Variants in POLR2E observed in about 807,000 individuals in gnomAD.
POLR2E encodes DNA-directed RNA polymerases I, II, and III subunit RPABC1.
Under a neutral mutation model 29.8 loss-of-function variants are expected in POLR2E, and 35 were observed. The ratio of observed to expected loss-of-function variants is 1.17; its 90% CI spans 0.90 to 1.55. The LOEUF (loss-of-function observed/expected upper bound fraction) is 1.55. POLR2E is among the 40% of genes most tolerant of loss of function. The probability of loss-of-function intolerance (pLI) is 0.00; values close to 1 mark genes in which losing one functional copy is unlikely to be tolerated. For synonymous variants in POLR2E, 174 were observed against 112.6 expected, an observed-to-expected ratio of 1.55 and a Z score of -3.45; for missense variants, 287 against 288.6, an observed-to-expected ratio of 0.99 and a Z score of 0.04.
At chr19:1,090,843 G>T in intron 4 of POLR2E, 65 bp downstream of exon 4, 1 of 1,391,982 alleles carries the variant, frequency 7.2e-7, no homozygotes, top group Non-Finnish European at 1.0e-6. Context: ...ACATCTTCCT[G>T]GCCACCCACA....
chr19:1,090,848 C>T (rs1023607309), intron 4 of POLR2E, 60 bp downstream of exon 4: 2 of 1,446,336 alleles, frequency 1.4e-6, no homozygotes, highest in Non-Finnish European at 1.9e-6. Flanking sequence ...TTCCTGGCCA[C>T]CCACAAACGC....
At chr19:1,092,138 C>T (rs1246854234) in intron 2 of POLR2E, among the ~76,000 whole-genome samples, 1 of 152,204 alleles carries the variant, frequency 6.6e-6, no homozygotes, top group African/African-American at 2.4e-5. Flanking sequence ...GCTGACACCC[C>T]TCAGTCACCC....
rs199888938 is a variant in POLR2E at position 1,091,959 on chromosome 19, C to T, written c.233-52G>A. On this transcript the variant is annotated intron_variant, in intron 2 of 7. Coordinates refer to ENST00000615234, the MANE Select transcript of POLR2E (RefSeq NM_002695.5). ...CACGAGCCTGGGCCCTCGTGGCCCTCGCCCACCCAGAGCCCAGAGCACCCA... is the reference window on the plus strand; with the variant it reads ...CACGAGCCTGGGCCCTCGTGGCCCTTGCCCACCCAGAGCCCAGAGCACCCA... The T allele has an allele frequency of 3.1e-5, 41 of 1,306,810 alleles. No homozygotes were observed. In the Admixed American group the frequency reaches 4.0e-4, roughly 13 times the overall value. The allele number at this position is 1,306,810 out of a possible 1,614,324, so 81.0% of individuals were successfully genotyped here.
At chr19:1,093,723 TGA>T in intron 2 of POLR2E, 179 bp downstream of exon 2, 2 of 1,384,738 alleles carry the variant, frequency 1.4e-6, no homozygotes, top group South Asian at 3.3e-5. Context: ...AAGCTGAGCA[TGA>T]GAGGGGTCAG....
chr19:1,086,771 C>A lies in POLR2E; in HGVS notation c.*1964G>T, dbSNP rs1349620244. 6.7e-6 allele frequency: 1 copy of A among 148,286 alleles called. No individual in the cohort carries two copies. Among genetic ancestry groups the A allele is most frequent in the Non-Finnish European group, 1.5e-5 (1 of 67,966 alleles). 9.2% of individuals were successfully genotyped at this position (148,286 alleles called of 1,614,324 possible). ...GGGAGGGATGTGTGAGGAAGGGAAC[C>A]CCCCGCCACGGGGCCCCGCGAGGTG... On this transcript the variant is annotated 3_prime_UTR_variant, in exon 8 of 8. Coordinates refer to ENST00000615234, the MANE Select transcript of POLR2E (RefSeq NM_002695.5).
Position 1,090,894 on chromosome 19 carries a change from C to T in POLR2E, c.429+14G>A, listed in dbSNP as rs375163183. ...CCGGCCCCACGCAGGCGGGATTCCG[C>T]GGCGCGCGCCCACCTCGTGCTCCGT... On this transcript the variant is annotated intron_variant, in intron 4 of 7. Coordinates refer to ENST00000615234, the MANE Select transcript of POLR2E (RefSeq NM_002695.5). The T allele has an allele frequency of 2.9e-5, 46 of 1,609,742 alleles. No homozygotes were observed. Among genetic ancestry groups the T allele is most frequent in the Admixed American group, 8.3e-5 (5 of 59,912 alleles).
intron 2 of POLR2E, chr19:1,092,189 T>C (rs749451790): frequency 7.6e-6 from 3 of 394,132 alleles, no homozygotes; most frequent in African/African-American, 4.1e-5. Context: ...TCTGAGAGGC[T>C]CCCACCCTGG....
chr19:1,093,515 C>T (rs1474099940), intron 2 of POLR2E, among the ~76,000 whole-genome samples: 1 of 152,114 alleles, frequency 6.6e-6, no homozygotes, highest in Non-Finnish European at 1.5e-5. Flanking sequence ...GGGGCCGCAG[C>T]TCACAAGGAG....
chr19:1,089,461 G>T lies in POLR2E; in HGVS notation c.*14+11C>A. Reference sequence around the variant, plus strand: ...GACCCCACCTCAGTGCCTGTCCCTCGGCCGTCTCACCTGTCAGGCGGTAGC... The same window carrying T: ...GACCCCACCTCAGTGCCTGTCCCTCTGCCGTCTCACCTGTCAGGCGGTAGC... On this transcript the variant is annotated intron_variant, in intron 7 of 7. Transcript: ENST00000615234. 6.3e-7 allele frequency: 1 copy of T among 1,596,104 alleles called. No homozygotes were observed. Among genetic ancestry groups the T allele is most frequent in the South Asian group, 1.1e-5 (1 of 90,604 alleles).
At chr19:1,091,652 C>T (rs956078825) in intron 3 of POLR2E, 140 bp downstream of exon 3, 13 of 637,114 alleles carry the variant, frequency 2.0e-5, no homozygotes, top group African/African-American at 3.6e-5. Context: ...CGGGGCTTGC[C>T]GGACATCCCG....
intron 5 of POLR2E, 39 bp from the exon 6 acceptor site, chr19:1,090,001 T>C (rs773014352): frequency 7.9e-7 from 1 of 1,261,326 alleles, no homozygotes; most frequent in East Asian, 2.9e-5. Context: ...ACAGGGCCGT[T>C]GGGGGGGCAG....
intron 5 of POLR2E, 55 bp downstream of exon 5, chr19:1,090,032 C>T: frequency 6.6e-7 from 1 of 1,509,616 alleles, no homozygotes; most frequent in South Asian, 1.1e-5. Context: ...GGGGGGGGAA[C>T]GCGGAAGTCT....
intron 2 of POLR2E, among the ~76,000 whole-genome samples, chr19:1,093,555 G>A (rs1242666202): frequency 6.6e-5 from 10 of 152,080 alleles, no homozygotes; most frequent in African/African-American, 1.9e-4. Context: ...GGCCTCCTGG[G>A]CCAGGCCAAG....
chr19:1,094,852 C>T (rs909212381), intron 1 of POLR2E: 3 of 208,476 alleles, frequency 1.4e-5, no homozygotes, highest in Non-Finnish European at 2.9e-5. Flanking sequence ...CGCTGCTTCC[C>T]AACCACCAAC....
rs1471088859 is a variant in POLR2E, at chr19:1,087,037, C to G, written c.*1698G>C. On this transcript the variant is annotated 3_prime_UTR_variant, in exon 8 of 8. Coordinates refer to ENST00000615234, the MANE Select transcript of POLR2E (RefSeq NM_002695.5). ...ACAGGGTGTGACCCTGTGGCCCAGG[C>G]TGGAGTACAGGAGCACAATCGTAGC... 1 of 151,130 alleles carries G rather than the reference C, an allele frequency of 6.6e-6. No homozygotes were observed. Among genetic ancestry groups the G allele is most frequent in the Non-Finnish European group, 1.5e-5 (1 of 67,912 alleles). The allele number at this position is 151,130 out of a possible 1,614,324, so 9.4% of individuals were successfully genotyped here.
chr19:1,088,980 C>G (rs1032961150), intron 7 of POLR2E, among the ~76,000 whole-genome samples: 1 of 152,202 alleles, frequency 6.6e-6, no homozygotes, highest in Admixed American at 6.5e-5. Flanking sequence ...GCCTGCAGGA[C>G]AGCAGCTCGC....
In POLR2E at chr19:1,095,299, T is replaced by G; in HGVS notation, c.17A>C (p.Glu6Ala). The change falls in exon 1 of 8, where the codon GAG (glutamate) becomes GCG (alanine). Residue 6 changes from glutamate (E) to alanine (A), a missense_variant. By Grantham distance (107) the Glu-to-Ala change is moderately radical. Coordinates refer to ENST00000615234, the MANE Select transcript of POLR2E (RefSeq NM_002695.5). MDDEE[E>A]TYRLWKIRKT... is the part of the protein sequence containing the mutation. ...GCGGATTTTCCAGAGCCGGTACGTC[T>G]CCTCCTCGTCGTCCATGGCAGCCTC... 1 of 1,613,086 alleles carries G rather than the reference T, an allele frequency of 6.2e-7. No homozygotes were observed. The highest frequency in any genetic ancestry group is 8.5e-7 in the Non-Finnish European group (1 of 1,179,752).
chr19:1,087,241 C>G lies in POLR2E; in HGVS notation c.*1494G>C, dbSNP rs1203221620. On this transcript the variant is annotated 3_prime_UTR_variant, in exon 8 of 8. Coordinates refer to ENST00000615234, the MANE Select transcript of POLR2E (RefSeq NM_002695.5). ...ACTCCTGAGCTCAAGCGATCCTCCA[C>G]TTCCTGGGTTCAAGTGATTCTCCTG... 1 of 152,194 alleles carries G rather than the reference C, an allele frequency of 6.6e-6. No individual in the cohort carries two copies. The highest frequency in any genetic ancestry group is 1.5e-5 in the Non-Finnish European group (1 of 68,054). 9.4% of individuals were successfully genotyped at this position (152,194 alleles called of 1,614,324 possible).
chr19:1,090,274 T>G, intron 4 of POLR2E, 129 bp from the exon 5 acceptor site: 2 of 786,586 alleles, frequency 2.5e-6, no homozygotes, highest in Non-Finnish European at 4.3e-6. Flanking sequence ...TCCCCGGCAC[T>G]CAGGGAGCCC....
Sources: allele counts gnomAD v4.1 joint callset (sites outside exome capture counted in the v4.1 genomes callset), GRCh38; gene constraint gnomAD v4.1.1; transcripts MANE v1.5; gene names NCBI Gene and HGNC (gene_info 2026-07-23, HGNC 2026-07-21).